The following RXRG variants were observed in gnomAD, a reference collection of about 807,000 sequenced individuals.
RXRG encodes the protein retinoid X receptor gamma, also known as retinoic acid receptor RXR-gamma.
RXRG carries 19 observed loss-of-function variants against 49.2 expected under a neutral mutation model. The observed-to-expected ratio is 0.39, with a 90% CI of 0.27 to 0.57. RXRG has a LOEUF of 0.57. RXRG is among the 20% of genes least tolerant of loss of function. The probability of loss-of-function intolerance (pLI) is 0.64; values close to 1 mark genes in which losing one functional copy is unlikely to be tolerated. For missense variants in RXRG, 452 were observed against 592.5 expected (o/e 0.76, Z 2.46); for synonymous variants, 224 against 216.6 (o/e 1.03, Z -0.30).
intron 4 of RXRG, among the ~76,000 whole-genome samples, chr1:165,411,463 T>TA (rs1029093668): frequency 6.6e-6 from 1 of 152,190 alleles, no homozygotes; most frequent in African/African-American, 2.4e-5. Context: ...CTGCTGCCTC[T>TA]AAAAAACTGT....
intron 7 of RXRG, among the ~76,000 whole-genome samples, chr1:165,409,255 T>G (rs1657856182): frequency 6.6e-6 from 1 of 152,186 alleles, no homozygotes; most frequent in Non-Finnish European, 1.5e-5. Flanking sequence ...GGAAATCCAT[T>G]GGGAGAATAG....
At chr1:165,420,080 A>C in intron 2 of RXRG, 66 bp from the exon 3 acceptor site, 1 of 1,292,968 alleles carries the variant, frequency 7.7e-7, no homozygotes, top group Non-Finnish European at 1.0e-6. Flanking sequence ...GGCCTAAGGC[A>C]ATGAGGGCTT....
chr1:165,405,603 C>T (rs897802150), intron 9 of RXRG, among the ~76,000 whole-genome samples: 1 of 152,182 alleles, frequency 6.6e-6, no homozygotes, highest in African/African-American at 2.4e-5. Context: ...GGATGCAAAA[C>T]ACAGTATGGC....
chr1:165,404,601 C>G (rs1049676976), intron 9 of RXRG, among the ~76,000 whole-genome samples: 1 of 151,950 alleles, frequency 6.6e-6, no homozygotes, highest in Non-Finnish European at 1.5e-5. Context: ...AATAATACAC[C>G]AAACTGTATA....
At chr1:165,435,637 T>C (rs903686667) in intron 1 of RXRG, among the ~76,000 whole-genome samples, 1 of 152,218 alleles carries the variant, frequency 6.6e-6, no homozygotes, top group Non-Finnish European at 1.5e-5. Flanking sequence ...ACAACTTACT[T>C]ATGGATCATA....
Position 165,445,050 on chromosome 1 carries a change from G to T in RXRG, c.-157C>A. ...GAGCACAGGCTGGGCCAGCCCTCTG[G>T]GATTAGTCAGGAATCTGCCTCTAGA... On this transcript the variant is annotated 5_prime_UTR_variant, in exon 1 of 10. Transcript: ENST00000359842. 1 of 657,102 alleles carries T rather than the reference G, an allele frequency of 1.5e-6. No homozygotes were observed. The allele number at this position is 657,102 out of a possible 1,614,324, so 40.7% of individuals were successfully genotyped here.
At chr1:165,438,885 A>T (rs944090848) in intron 1 of RXRG, among the ~76,000 whole-genome samples, 1 of 152,214 alleles carries the variant, frequency 6.6e-6, no homozygotes, top group African/African-American at 2.4e-5. Flanking sequence ...AGCAAATAAG[A>T]TGGTAGAAAT....
intron 1 of RXRG, among the ~76,000 whole-genome samples, chr1:165,440,764 C>A (rs157886): frequency 0.43 from 66,058 of 151,944 alleles, 15,587 homozygotes; most frequent in East Asian, 0.71. Context: ...GGCACACCCG[C>A]GATCCAATGC....
chr1:165,434,310 CAG>C (rs1658766768), intron 1 of RXRG, among the ~76,000 whole-genome samples: 1 of 85,926 alleles, frequency 1.2e-5, no homozygotes, highest in Non-Finnish European at 2.3e-5. Flanking sequence ...GTGTGTGTGT[CAG>C]AGAGAGAGAC....
chr1:165,444,868 A>G lies in RXRG; in HGVS notation c.26T>C (p.Met9Thr). The change falls in exon 1 of 10, where the codon ATG becomes ACG. Residue 9 changes from methionine (M) to threonine (T), a missense_variant. By Grantham distance (81) the Met-to-Thr change is moderately conservative. Around this residue, in one of 2 missense-constraint regions of RXRG, gnomAD observed 166 missense variants for 151.7 expected, o/e 1.09. Transcript: ENST00000359842. ...ACCTCCATAGCCTGCGGGAAACTTC[A>G]TGAAGTGAGAATAATTTCCATACAT... MYGNYSHF[M>T]KFPAGYGGSP... 5.6e-6 allele frequency: 9 copies of G among 1,614,204 alleles called. No individual in the cohort carries two copies. Among genetic ancestry groups the G allele is most frequent in the Non-Finnish European group, 7.6e-6 (9 of 1,180,026 alleles).
chr1:165,400,935 C>T lies in RXRG; in HGVS notation c.*328G>A, dbSNP rs918072894. Reference sequence around the variant, plus strand: ...ATGCTCCAGCAGTGCCAATTTCACACATATTATTTTATTACTCATTTGTTT... The same window carrying T: ...ATGCTCCAGCAGTGCCAATTTCACATATATTATTTTATTACTCATTTGTTT... On this transcript the variant is annotated 3_prime_UTR_variant, in exon 10 of 10. Transcript: ENST00000359842. The T allele has an allele frequency of 2.2e-5, 5 of 223,920 alleles. No individual in the cohort carries two copies. Among genetic ancestry groups the T allele is most frequent in the African/African-American group, 1.2e-4 (5 of 42,788 alleles). 13.9% of individuals were successfully genotyped at this position (223,920 alleles called of 1,614,324 possible).
intron 1 of RXRG, among the ~76,000 whole-genome samples, chr1:165,441,734 G>A (rs927329183): frequency 8.5e-5 from 13 of 152,166 alleles, no homozygotes; most frequent in African/African-American, 3.1e-4. Flanking sequence ...GGATGGGGGG[G>A]ATTACAGGCT....
At chr1:165,431,221 T>C (rs1209272176) in intron 1 of RXRG, among the ~76,000 whole-genome samples, 1 of 152,140 alleles carries the variant, frequency 6.6e-6, no homozygotes, top group Non-Finnish European at 1.5e-5. Flanking sequence ...GCAAAGATGA[T>C]TGGAGAGCCA....
chr1:165,434,739 G>C (rs1658776656), intron 1 of RXRG, among the ~76,000 whole-genome samples: 1 of 152,200 alleles, frequency 6.6e-6, no homozygotes. Context: ...GCCTGTCTCT[G>C]TTCCTCCAGT....
rs771304563 is a variant in RXRG, at chr1:165,411,080, C to G, written c.652G>C (p.Glu218Gln). 3.1e-6 allele frequency: 5 copies of G among 1,614,102 alleles called. No individual in the cohort carries two copies. The highest frequency in any genetic ancestry group is 4.2e-6 in the Non-Finnish European group (5 of 1,179,972). Residue 218 changes from glutamate (E) to glutamine (Q), a missense_variant, in exon 5 of 10, where the codon GAG becomes CAG. This residue lies in a region of RXRG where 286 missense variants were observed against 440.9 expected (regional missense o/e 0.65). Transcript: ENST00000359842. The stretch of plus-strand genomic sequence containing the variant: ...CATTCTGCCTCACTCTCAGCTCGCT[C>G]TCGGCTCCTCTGTCTTTCTTCTTGC... ...AVQEERQRSR[E>Q]RAESEAECAT...
chr1:165,410,445 T>C (rs2101710243), intron 6 of RXRG, among the ~76,000 whole-genome samples: 1 of 152,348 alleles, frequency 6.6e-6, no homozygotes, highest in East Asian at 1.9e-4. Context: ...CTTCAAATTA[T>C]CCTCAATAAA....
At chr1:165,423,312 C>T (rs1315843757) in intron 2 of RXRG, among the ~76,000 whole-genome samples, 1 of 152,206 alleles carries the variant, frequency 6.6e-6, no homozygotes, top group Non-Finnish European at 1.5e-5. Context: ...CCAGGCAACT[C>T]CTATCTGCTG....
intron 3 of RXRG, among the ~76,000 whole-genome samples, chr1:165,419,251 C>T (rs558893199): frequency 1.3e-4 from 20 of 152,198 alleles, no homozygotes; most frequent in South Asian, 6.2e-4. Flanking sequence ...GCAAGAAATA[C>T]GCTAAAATAT....
chr1:165,410,606 C>T lies in RXRG; in HGVS notation c.913+96G>A, dbSNP rs187214685. On this transcript the variant is annotated intron_variant, in intron 6 of 9. Transcript: ENST00000359842. ...ATTTCATCATCAGCATGGTACATAG[C>T]TTGGACATGTTGCAGCTCCATCAGG... 5.8e-5 allele frequency: 80 copies of T among 1,389,058 alleles called. No homozygotes were observed. The East Asian group carries it at 1.8e-3, about 31-fold the overall frequency. 86.0% of individuals were successfully genotyped at this position (1,389,058 alleles called of 1,614,324 possible).
Sources: gnomAD v4.1 joint callset for allele counts (sites outside exome capture counted in the v4.1 genomes callset) on GRCh38, gnomAD v4.1.1 for gene constraint, gnomAD v4.1.1 regional missense constraint, MANE v1.5 for transcripts, NCBI Gene and HGNC (gene_info 2026-07-23, HGNC 2026-07-21) for gene names.